The following CDH18 variants were observed in gnomAD, a reference collection of about 807,000 sequenced individuals.
CDH18 encodes cadherin 18.
Under a neutral mutation model 67.9 loss-of-function variants are expected in CDH18, and 31 were observed. The observed-to-expected ratio is 0.46, with a 90% CI of 0.34 to 0.62. CDH18 has a LOEUF of 0.62. Ranked by LOEUF, CDH18 falls within the 20% of genes least tolerant of loss-of-function variation. The probability of loss-of-function intolerance (pLI) is 0.01; values close to 1 mark genes in which losing one functional copy is unlikely to be tolerated. For missense variants in CDH18, 890 were observed against 975.5 expected (o/e 0.91, Z 1.17); for synonymous variants, 362 against 347.2 (o/e 1.04, Z -0.48).
rs564311340 is a variant in CDH18, at chr5:19,652,874, A to G, written c.644-40273T>C. On this transcript the variant is annotated intron_variant, in intron 5 of 12. Coordinates refer to ENST00000382275, the MANE Select transcript of CDH18 (RefSeq NM_004934.5). ...AAACGTTTTCTTTAAATTTAGAAAA[A>G]TGATGCATTCATTTACAAGGACAGC... Among the ~76,000 whole-genome samples the G allele has an allele frequency of 9.2e-5, 14 of 152,252 alleles. No individual in the cohort carries two copies. In the Middle Eastern group the frequency reaches 0.01, roughly 111 times the overall value.
At chr5:19,869,045 A>T (rs1192726485) in intron 2 of CDH18, among the ~76,000 whole-genome samples, 2 of 152,228 alleles carry the variant, frequency 1.3e-5, no homozygotes, top group Non-Finnish European at 2.9e-5. Context: ...TGACAGAGCC[A>T]TTATGAAGGC....
intron 7 of CDH18, among the ~76,000 whole-genome samples, chr5:19,579,429 C>G (rs1742856412): frequency 6.6e-6 from 1 of 151,316 alleles, no homozygotes; most frequent in African/African-American, 2.4e-5. Context: ...TTAGATACAT[C>G]TGGTTTCCTT....
intron 2 of CDH18, among the ~76,000 whole-genome samples, chr5:19,858,522 T>C (rs1289682784): frequency 2.6e-5 from 4 of 152,130 alleles, no homozygotes; most frequent in Admixed American, 1.3e-4. Flanking sequence ...TCAGAAATTA[T>C]GTTTTAGTTT....
At chr5:19,507,790 G>C (rs560974385) in intron 10 of CDH18, among the ~76,000 whole-genome samples, 1 of 152,056 alleles carries the variant, frequency 6.6e-6, no homozygotes. Context: ...AACATTAGGA[G>C]ATATATCTAA....
chr5:19,825,148 C>A (rs1262196943), intron 3 of CDH18, among the ~76,000 whole-genome samples: 1 of 152,048 alleles, frequency 6.6e-6, no homozygotes, highest in Non-Finnish European at 1.5e-5. Context: ...GTCCAGCATT[C>A]CCACTTCTGT....
chr5:19,523,585 C>T (rs908952408), intron 9 of CDH18, among the ~76,000 whole-genome samples: 57 of 151,844 alleles, frequency 3.8e-4, no homozygotes, highest in African/African-American at 1.3e-3. Context: ...AAATCAGTCT[C>T]ATTAGTATGA....
chr5:20,400,663 G>T (rs1310728767), intron 1 of CDH18, among the ~76,000 whole-genome samples: 2 of 150,820 alleles, frequency 1.3e-5, no homozygotes, highest in African/African-American at 4.9e-5. Flanking sequence ...TCAGGAGGCT[G>T]AGGCACGATA....
intron 2 of CDH18, among the ~76,000 whole-genome samples, chr5:20,200,895 AGG>A (rs1739397547): frequency 6.6e-6 from 1 of 152,100 alleles, no homozygotes; most frequent in Non-Finnish European, 1.5e-5. Flanking sequence ...AATGGTTACA[AGG>A]GCCTTATTCA....
intron 9 of CDH18, among the ~76,000 whole-genome samples, chr5:19,537,980 C>T (rs1012603559): frequency 1.3e-5 from 2 of 152,014 alleles, no homozygotes; most frequent in Admixed American, 6.6e-5. Flanking sequence ...AGTCAAATGT[C>T]ACAAAGAAAT....
chr5:20,049,297 A>C (rs1180215840), intron 2 of CDH18, among the ~76,000 whole-genome samples: 2 of 151,592 alleles, frequency 1.3e-5, no homozygotes, highest in Admixed American at 1.3e-4. Flanking sequence ...AAGACAAAAC[A>C]ACAGCAACAA....
intron 7 of CDH18, among the ~76,000 whole-genome samples, chr5:19,576,954 C>T (rs1002542376): frequency 6.6e-5 from 10 of 152,052 alleles, no homozygotes; most frequent in African/African-American, 9.7e-5. Context: ...CATGTGTGAA[C>T]GTAGAGAACA....
intron 1 of CDH18, among the ~76,000 whole-genome samples, chr5:20,336,595 C>T (rs113183469): frequency 1.3e-4 from 19 of 151,626 alleles, no homozygotes; most frequent in African/African-American, 2.7e-4. Context: ...TGGTGGCCAG[C>T]GCCTGTAGTT....
chr5:20,291,526 A>C (rs1035723778), intron 1 of CDH18, among the ~76,000 whole-genome samples: 1 of 152,192 alleles, frequency 6.6e-6, no homozygotes, highest in Non-Finnish European at 1.5e-5. Flanking sequence ...AGTTCAGCAG[A>C]GCAGTGGAAG....
chr5:19,751,044 C>T (rs1770777446), intron 3 of CDH18, among the ~76,000 whole-genome samples: 1 of 152,022 alleles, frequency 6.6e-6, no homozygotes, highest in Non-Finnish European at 1.5e-5. Context: ...CCTAGTGAAG[C>T]AAAATGCTAG....
intron 5 of CDH18, among the ~76,000 whole-genome samples, chr5:19,694,963 T>C (rs1024545194): frequency 2.6e-5 from 4 of 151,988 alleles, no homozygotes; most frequent in African/African-American, 7.3e-5. Context: ...GACGTTTCCA[T>C]AGCTGGAGAA....
chr5:20,168,886 G>T (rs1736490893), intron 2 of CDH18, among the ~76,000 whole-genome samples: 1 of 152,054 alleles, frequency 6.6e-6, no homozygotes, highest in Non-Finnish European at 1.5e-5. Context: ...AAATAAGCCA[G>T]GCACAGAAAC....
At chr5:20,103,379 T>C (rs989118577) in intron 2 of CDH18, among the ~76,000 whole-genome samples, 2 of 152,022 alleles carry the variant, frequency 1.3e-5, no homozygotes, top group African/African-American at 4.8e-5. Flanking sequence ...TTTAAAAGAT[T>C]ACAAAACATT....
At position 19,972,065 on chromosome 5, in the gene CDH18, T is replaced by C. The variant is rs369835684; in HGVS notation, c.-257+8995A>G. The stretch of plus-strand genomic sequence containing the variant: ...TGTATTTGTACTAAGTAAACAAAGA[T>C]GATACAAAGAAAATGCGATATTCTT... On this transcript the variant is annotated intron_variant, in intron 2 of 12. Coordinates refer to ENST00000382275, the MANE Select transcript of CDH18 (RefSeq NM_004934.5). Among the ~76,000 whole-genome samples, 316 of 152,182 alleles carry C rather than the reference T, an allele frequency of 2.1e-3. 2 individuals carry two copies. The highest frequency in any genetic ancestry group is 7.1e-3 in the African/African-American group (295 of 41,566).
intron 1 of CDH18, among the ~76,000 whole-genome samples, chr5:20,445,798 C>A (rs2150198245): frequency 6.6e-6 from 1 of 152,292 alleles, no homozygotes; most frequent in African/African-American, 2.4e-5. Context: ...AATCTCAGTT[C>A]TTGTGATGGT....
Sources: allele counts gnomAD v4.1 joint callset (sites outside exome capture counted in the v4.1 genomes callset), GRCh38; gene constraint gnomAD v4.1.1; transcripts MANE v1.5; gene names NCBI Gene and HGNC (gene_info 2026-07-23, HGNC 2026-07-21).